Variants in MUC4 observed in about 807,000 individuals in gnomAD.
MUC4 encodes the protein mucin 4, cell surface associated.
In MUC4, 202 loss-of-function variants were observed where a neutral mutation model predicts 257.9. That is an observed-to-expected ratio of 0.78 (90% CI 0.70 to 0.88). The LOEUF (loss-of-function observed/expected upper bound fraction) is 0.88, where lower values mean the gene tolerates loss of function less well. MUC4 is among the 40% of genes least tolerant of loss of function. The probability of loss-of-function intolerance (pLI) is 0.00; values close to 1 mark genes in which losing one functional copy is unlikely to be tolerated. For synonymous variants in MUC4, 2,351 were observed against 2,757.1 expected (o/e 0.85, Z 4.62); for missense variants, 5,976 against 6,513.7 (o/e 0.92, Z 2.84).
In MUC4 at chr3:195,765,122, C is replaced by G. The variant is rs965353554; in HGVS notation, c.13799G>C (p.Gly4600Ala). 6.2e-7 allele frequency: 1 copy of G among 1,611,822 alleles called. No individual in the cohort carries two copies. Among genetic ancestry groups the G allele is most frequent in the African/African-American group, 1.3e-5 (1 of 74,908 alleles). The change falls in exon 10 of 25, where the codon GGT (glycine) becomes GCT (alanine). Residue 4600 changes from glycine to alanine, a missense_variant and splice_region_variant. Around this residue, in one of 44 missense-constraint regions of MUC4, gnomAD observed 996 missense variants for 1,137.3 expected, o/e 0.88. Transcript: ENST00000463781. The part of the protein sequence containing the change: ...RDLRFQPVSI[G>A]RWGLGSRQLC... ...CTGCCTACTGCCGAGGCCCCAGCGA[C>G]CTGAAACAAGTCCAGTCCCACTCAG...
chr3:195,790,805 T>C lies in MUC4; in HGVS notation c.775A>G (p.Met259Val). Residue 259 changes from methionine (M) to valine (V), a missense_variant, in exon 2 of 25, where the codon ATG becomes GTG. Met to Val is a conservative substitution (Grantham distance 21, BLOSUM62 1). Coordinates refer to ENST00000463781, the MANE Select transcript of MUC4 (RefSeq NM_018406.7). ...SLCSVTNTSM[M>V]TSEKITVTTS... ...GTCACTGTTATCTTCTCTGATGTCATCATGGATGTGTTTGTGACACTACAG... is the reference window on the plus strand; with the variant it reads ...GTCACTGTTATCTTCTCTGATGTCACCATGGATGTGTTTGTGACACTACAG... The C allele has an allele frequency of 6.2e-7, 1 of 1,613,778 alleles. No homozygotes were observed. The highest frequency in any genetic ancestry group is 8.5e-7 in the Non-Finnish European group (1 of 1,179,828).
intron 1 of MUC4, among the ~76,000 whole-genome samples, chr3:195,805,400 C>A (rs1735854321): frequency 6.6e-6 from 1 of 152,186 alleles, no homozygotes; most frequent in Non-Finnish European, 1.5e-5. Flanking sequence ...TCTCTTTTCC[C>A]CAACGCCTCC....
chr3:195,792,560 GAAGAC>G (rs1327800279), intron 1 of MUC4, among the ~76,000 whole-genome samples: 19 of 152,218 alleles, frequency 1.2e-4, no homozygotes, highest in Admixed American at 1.2e-3. Context: ...AACCATTGTG[GAAGAC>G]AGTGTGGCGA....
intron 7 of MUC4, among the ~76,000 whole-genome samples, chr3:195,768,445 G>A (rs757864930): frequency 6.6e-5 from 10 of 152,124 alleles, no homozygotes; most frequent in Non-Finnish European, 1.0e-4. Flanking sequence ...TTCACCACCG[G>A]CTCCATATAA....
intron 1 of MUC4, among the ~76,000 whole-genome samples, 156 bp downstream of exon 1, chr3:195,811,580 C>G (rs1736753302): frequency 6.6e-6 from 1 of 152,036 alleles, no homozygotes; most frequent in South Asian, 2.1e-4. Context: ...CTTTCCCTCT[C>G]CCTCTTTTTC....
In MUC4 at chr3:195,789,055, T is replaced by G. The variant is rs747030109; in HGVS notation, c.2525A>C (p.Gln842Pro). Residue 842 changes from glutamine to proline, a missense_variant, in exon 2 of 25, where the codon CAG becomes CCG. Physicochemically the swap from Gln to Pro is moderately conservative, Grantham distance 76 (BLOSUM62 -1). Around this residue, in one of 44 missense-constraint regions of MUC4, gnomAD observed 1,583 missense variants for 1,257.4 expected, o/e 1.26. Transcript: ENST00000463781. The part of the protein sequence containing the change: ...SNPSRDSHTT[Q>P]STTELLSASA... ...GGCGGACAGCAATTCGGTTGTTGAC[T>G]GGGTTGTGTGACTGTCCCTGGAGGG... is the stretch of plus-strand genomic sequence containing the variant. 6 of 1,613,756 alleles carry G rather than the reference T, an allele frequency of 3.7e-6. No homozygotes were observed. Among genetic ancestry groups the G allele is most frequent in the Non-Finnish European group, 5.1e-6 (6 of 1,179,798 alleles).
chr3:195,783,233 T>C lies in MUC4; in HGVS notation c.8347A>G (p.Thr2783Ala). ...NTSSVSTGHA[T>A]PLHVTSPSSA... ...GAAGGGCTGGTGACATGAAGAGGGG[T>C]GGCGTGACCTGTGGATACTGAGGAA... The change falls in exon 2 of 25, where the codon ACC (threonine) becomes GCC (alanine). Residue 2783 changes from threonine (T) to alanine (A), a missense_variant. Around this residue, in one of 44 missense-constraint regions of MUC4, gnomAD observed 228 missense variants for 206.3 expected, o/e 1.11. Coordinates refer to ENST00000463781, the MANE Select transcript of MUC4 (RefSeq NM_018406.7). 6.6e-6 allele frequency: 9 copies of C among 1,363,338 alleles called. 2 individuals are homozygous for C. The highest frequency in any genetic ancestry group is 8.0e-6 in the Non-Finnish European group (8 of 995,228). The allele number at this position is 1,363,338 out of a possible 1,614,324, so 84.5% of individuals were successfully genotyped here.
chr3:195,754,092 G>C, intron 19 of MUC4, 121 bp downstream of exon 19: 1 of 1,338,306 alleles, frequency 7.5e-7, no homozygotes, highest in Admixed American at 2.3e-5. Flanking sequence ...CACCTGCCTA[G>C]ATTGAGCATT....
chr3:195,781,215 G>T lies in MUC4; in HGVS notation c.10365C>A (p.Thr3455=). 1 of 1,408,960 alleles carries T rather than the reference G, an allele frequency of 7.1e-7. No homozygotes were observed. Among genetic ancestry groups the T allele is most frequent in the South Asian group, 1.4e-5 (1 of 69,064 alleles). The allele number at this position is 1,408,960 out of a possible 1,614,324, so 87.3% of individuals were successfully genotyped here. A position where few individuals can be genotyped will look rare whatever the true frequency, so the allele number is the denominator to read the frequency against. The change falls in exon 2 of 25, where the codon ACC becomes ACA. Residue 3455 remains threonine (T), a synonymous_variant. Transcript: ENST00000463781. ...AGGAAGTGTCGGTGACAGGAAGAGG[G>T]GTGGTGTGACCTGTAGATGCTGAGG... ...STSSASTGHT[T]PLPVTDTSSA... is the part of the protein sequence containing the mutation.
intron 18 of MUC4, among the ~76,000 whole-genome samples, chr3:195,754,887 A>G (rs1477972698): frequency 1.6e-5 from 1 of 60,836 alleles, no homozygotes; most frequent in Non-Finnish European, 4.4e-5. Flanking sequence ...GTATCCATGT[A>G]TGTATCCATG....
rs140199922 is a variant in MUC4 at position 195,770,166 on chromosome 3, G to A, written c.13398+50C>T. 1.0e-3 allele frequency: 1,551 copies of A among 1,481,498 alleles called. 15 individuals are homozygous for A. In the African/African-American group the frequency reaches 0.02, roughly 19 times the overall value. 91.8% of individuals were successfully genotyped at this position (1,481,498 alleles called of 1,614,324 possible). A position where few individuals can be genotyped will look rare whatever the true frequency, so the allele number is the denominator to read the frequency against. ...GAGTGGCCCCTGCCTAGGATTCTAG[G>A]ATGTCTGACTCCCAGATAGCTCCTG... On this transcript the variant is annotated intron_variant, in intron 6 of 24. Transcript: ENST00000463781.
At position 195,786,181 on chromosome 3, in the gene MUC4, G is replaced by A. The variant is rs200836018; in HGVS notation, c.5399C>T (p.Ser1800Leu). The A allele has an allele frequency of 5.1e-4, 777 of 1,522,634 alleles. 4 individuals are homozygous for A. The highest frequency in any genetic ancestry group is 1.1e-3 in the Admixed American group (53 of 49,422). The allele number at this position is 1,522,634 out of a possible 1,614,324, so 94.3% of individuals were successfully genotyped here. ...AGGGATGGCCTGACCTGTGGATGCC[G>A]AGGAAACGTCGGTGACAGGAAGACG... ...TTRLPVTDVS[S>L]ASTGQAIPLP... Residue 1800 changes from serine to leucine, a missense_variant, in exon 2 of 25, where the codon TCG becomes TTG. By Grantham distance (145) the Ser-to-Leu change is moderately radical. Around this residue, in one of 44 missense-constraint regions of MUC4, gnomAD observed 9 missense variants for 61.2 expected, o/e 0.15. Transcript: ENST00000463781.
rs1253840633 is a variant in MUC4, at chr3:195,764,938, C to A, written c.13924+59G>T. 2.5e-6 allele frequency: 4 copies of A among 1,591,518 alleles called. No individual in the cohort carries two copies. In the East Asian group the frequency reaches 9.0e-5, roughly 36 times the overall value. ...GGGAAGGAATGAGGACGAGAGGCTT[C>A]ATGCTGAGGGTCCCCTACTTGGCCG... is the stretch of plus-strand genomic sequence containing the variant. On this transcript the variant is annotated intron_variant, in intron 10 of 24. Transcript: ENST00000463781.
chr3:195,779,359 G>C lies in MUC4; in HGVS notation c.12221C>G (p.Ser4074Cys), dbSNP rs1406245839. Residue 4074 changes from serine (S) to cysteine (C), a missense_variant, in exon 2 of 25, where the codon TCC becomes TGC. Transcript: ENST00000463781. ...PLHVTSPSSA[S>C]RGDTSTLPVT... is the part of the protein sequence containing the mutation. ...AGGAAGAGTGCTGGTGTCACCTCTG[G>C]ATGCTGAGGAAGGGCTGGTGACATG... 2.8e-5 allele frequency: 30 copies of C among 1,079,520 alleles called. 12 individuals are homozygous for C. Among genetic ancestry groups the C allele is most frequent in the Non-Finnish European group, 3.8e-5 (30 of 791,666 alleles). 66.9% of individuals were successfully genotyped at this position (1,079,520 alleles called of 1,614,324 possible).
rs1280729273 is a variant in MUC4 at position 195,757,765 on chromosome 3, A to T, written c.14987-437T>A. Among the ~76,000 whole-genome samples the T allele has an allele frequency of 6.6e-6, 1 of 151,854 alleles. No homozygotes were observed. The highest frequency in any genetic ancestry group is 1.5e-5 in the Non-Finnish European group (1 of 67,960). On this transcript the variant is annotated intron_variant, in intron 17 of 24. Transcript: ENST00000463781. The surrounding 1 kb of genome is among the most constrained non-coding windows in gnomAD (Gnocchi z 4.8). Reference sequence around the variant, plus strand: ...TTCTCACCCACCCCCCACTTCCTGGACCTTTCCCAGACACCCCCTTCAGAC... The same window carrying T: ...TTCTCACCCACCCCCCACTTCCTGGTCCTTTCCCAGACACCCCCTTCAGAC...
At position 195,787,927 on chromosome 3, in the gene MUC4, G is replaced by C; in HGVS notation, c.3653C>G (p.Pro1218Arg). 2 of 881,926 alleles carry C rather than the reference G, an allele frequency of 2.3e-6. No individual in the cohort carries two copies. Among genetic ancestry groups the C allele is most frequent in the Non-Finnish European group, 3.2e-6 (2 of 631,816 alleles). The allele number at this position is 881,926 out of a possible 1,614,324, so 54.6% of individuals were successfully genotyped here. The change falls in exon 2 of 25, where the codon CCT becomes CGT. Residue 1218 changes from proline (P) to arginine (R), a missense_variant. Pro to Arg is a moderately radical substitution (Grantham distance 103, BLOSUM62 -2). Coordinates refer to ENST00000463781, the MANE Select transcript of MUC4 (RefSeq NM_018406.7). ...SASTGHATPL[P>R]VTDASSVSTD... is the part of the protein sequence containing the mutation. Reference sequence around the variant, plus strand: ...GGACACTGAGGAAGCGTCGGTGACAGGAAGAGGGGTGGCGTGTCCTGTGGA... The same window carrying C: ...GGACACTGAGGAAGCGTCGGTGACACGAAGAGGGGTGGCGTGTCCTGTGGA...
At chr3:195,748,021 A>C (rs1442927787) in intron 24 of MUC4, among the ~76,000 whole-genome samples, 3 of 69,202 alleles carry the variant, frequency 4.3e-5, no homozygotes, top group South Asian at 1.1e-3. Flanking sequence ...GCCCCGCCCC[A>C]CCCGCGCTCC....
intron 4 of MUC4, among the ~76,000 whole-genome samples, chr3:195,773,865 C>A (rs996884996): frequency 6.6e-6 from 1 of 152,254 alleles, no homozygotes; most frequent in African/African-American, 2.4e-5. Flanking sequence ...CTCCAGGAGG[C>A]AGGGACCAGG....
At chr3:195,767,435 TCACCATCACCACCACCAC>T (rs1560260117) in intron 7 of MUC4, among the ~76,000 whole-genome samples, 1 of 97,220 alleles carries the variant, frequency 1.0e-5, no homozygotes, top group Non-Finnish European at 2.2e-5. Context: ...ACCATCACCA[TCACCATCACCACCACCAC>T]CACCAACACT....
Sources: gnomAD v4.1 joint callset for allele counts (sites outside exome capture counted in the v4.1 genomes callset) on GRCh38, gnomAD v4.1.1 for gene constraint, gnomAD v4.1.1 regional missense constraint, Gnocchi (gnomAD v3.1) non-coding constraint, MANE v1.5 for transcripts, NCBI Gene and HGNC (gene_info 2026-07-23, HGNC 2026-07-21) for gene names.